The following LCORL variants were observed in gnomAD, a reference collection of about 807,000 sequenced individuals.
LCORL encodes ligand dependent nuclear receptor corepressor like.
A neutral mutation model predicts 141.8 loss-of-function variants in LCORL; 41 were observed. The observed-to-expected ratio is 0.29, with a 90% CI of 0.23 to 0.38. The LOEUF is 0.38. Among genes scored for constraint, LCORL ranks in the 10% least tolerant of loss-of-function variants. The pLI is 1.00. For synonymous variants in LCORL, 618 were observed against 694.1 expected (o/e 0.89, Z 1.72); for missense variants, 1,759 against 2,035.0 (o/e 0.86, Z 2.61).
intron 1 of LCORL, among the ~76,000 whole-genome samples, chr4:17,984,360 T>C (rs1718567131): frequency 6.6e-6 from 1 of 152,158 alleles, no homozygotes; most frequent in African/African-American, 2.4e-5. Flanking sequence ...CTCTTGTTTG[T>C]GTATCTGGTA....
intron 5 of LCORL, 81 bp from the exon 6 acceptor site, chr4:17,886,242 A>T: frequency 1.3e-6 from 1 of 772,644 alleles, no homozygotes; most frequent in Non-Finnish European, 2.2e-6. Context: ...TATTTTGTTG[A>T]TCTAATTCAT....
chr4:18,005,165 C>T (rs1008242492), intron 1 of LCORL, among the ~76,000 whole-genome samples: 35 of 152,220 alleles, frequency 2.3e-4, no homozygotes, highest in East Asian at 7.7e-4. Flanking sequence ...GCGATCCACC[C>T]GCCTCAGCAT....
At chr4:17,999,191 A>AGCCGGGTGCGGTGACTCAC (rs57487263) in intron 1 of LCORL, among the ~76,000 whole-genome samples, 1 of 150,436 alleles carries the variant, frequency 6.6e-6, no homozygotes, top group African/African-American at 2.4e-5. Flanking sequence ...AGGATGTCTA[A>AGCCGGGTGCGGTGACTCAC]GCCTGTAATC....
At position 17,851,323 on chromosome 4, in the gene LCORL, T is replaced by C. The variant is rs545495258; in HGVS notation, c.5603-5422A>G. On this transcript the variant is annotated intron_variant, in intron 7 of 7. Transcript: ENST00000635767. ...AAAAATGTCATATAATGGAAAGAAG[T>C]CTATCGGTGCTCCAAGCCCCTCTTC... Among the ~76,000 whole-genome samples the C allele has an allele frequency of 4.6e-5, 7 of 152,068 alleles. No homozygotes were observed. In the South Asian group the frequency reaches 1.5e-3, roughly 32 times the overall value.
At chr4:17,894,936 T>C (rs1176127158) in intron 5 of LCORL, among the ~76,000 whole-genome samples, 2 of 151,878 alleles carry the variant, frequency 1.3e-5, no homozygotes, top group Non-Finnish European at 2.9e-5. Flanking sequence ...AAGTGATCAG[T>C]GTGTTCTGAT....
intron 1 of LCORL, among the ~76,000 whole-genome samples, chr4:17,984,686 T>C (rs758915974): frequency 2.0e-5 from 3 of 152,096 alleles, no homozygotes; most frequent in Non-Finnish European, 2.9e-5. Context: ...TAGTGACGTA[T>C]TTTATTAATT....
intron 5 of LCORL, among the ~76,000 whole-genome samples, chr4:17,904,412 T>C (rs1731315597): frequency 6.6e-6 from 1 of 152,114 alleles, no homozygotes; most frequent in Non-Finnish European, 1.5e-5. Context: ...AAGTTTTAGA[T>C]TTGAGTATAG....
At chr4:17,997,504 G>A (rs1210162541) in intron 1 of LCORL, among the ~76,000 whole-genome samples, 2 of 152,104 alleles carry the variant, frequency 1.3e-5, no homozygotes, top group African/African-American at 4.8e-5. Context: ...CAATAAAGAA[G>A]CAGAACAGTT....
At chr4:17,911,325 AAAC>A (rs1196715384) in intron 4 of LCORL, among the ~76,000 whole-genome samples, 25 of 152,196 alleles carry the variant, frequency 1.6e-4, no homozygotes, top group African/African-American at 6.0e-4. Context: ...AGTTCATGGA[AAAC>A]GCATATTATA....
chr4:17,980,874 T>C (rs904942858), intron 1 of LCORL, among the ~76,000 whole-genome samples: 1 of 152,106 alleles, frequency 6.6e-6, no homozygotes, highest in African/African-American at 2.4e-5. Context: ...CTGGGTTGTA[T>C]ACTCCTTATG....
Position 17,884,496 on chromosome 4 carries a change from C to G in LCORL, c.776+1572G>C. 6.5e-7 allele frequency: 1 copy of G among 1,545,878 alleles called. No individual in the cohort carries two copies. On this transcript the variant is annotated intron_variant, in intron 6 of 7. Coordinates refer to ENST00000635767, the Ensembl canonical transcript of LCORL. The surrounding 1 kb of genome is among the most constrained non-coding windows in gnomAD (Gnocchi z 4.4). ...GCCCACAAGGCTACTTTTTGCAGCA[C>G]TGCACAAGTTTCTTTACTGTCCTTA... is the stretch of plus-strand genomic sequence containing the variant.
chr4:17,895,041 T>TA (rs200678764), intron 5 of LCORL, among the ~76,000 whole-genome samples: 4 of 149,602 alleles, frequency 2.7e-5, no homozygotes, highest in Middle Eastern at 3.3e-3. Flanking sequence ...ATAATATATA[T>TA]AAAAAAAGTT....
intron 1 of LCORL, among the ~76,000 whole-genome samples, chr4:17,984,771 C>G (rs567537825): frequency 7.2e-5 from 11 of 152,192 alleles, no homozygotes; most frequent in African/African-American, 2.6e-4. Flanking sequence ...CAGTTAAGCT[C>G]AGATTTTGGT....
chr4:17,934,026 A>C (rs1161522228), intron 4 of LCORL, among the ~76,000 whole-genome samples: 1 of 152,046 alleles, frequency 6.6e-6, no homozygotes, highest in African/African-American at 2.4e-5. Flanking sequence ...CTCTGGTCCT[A>C]TGATTTTAAG....
At chr4:17,883,617 CCCA>C (rs1341814408) in intron 6 of LCORL, 17 of 1,379,012 alleles carry the variant, frequency 1.2e-5, no homozygotes, top group East Asian at 5.1e-5. Context: ...ATTTGTAATT[CCCA>C]CGTGTGTATA....
At chr4:17,998,447 A>C (rs750626453) in intron 1 of LCORL, among the ~76,000 whole-genome samples, 6 of 152,034 alleles carry the variant, frequency 3.9e-5, no homozygotes, top group Non-Finnish European at 8.8e-5. Context: ...TTTTTTTTAA[A>C]ACTTTTTAAC....
intron 4 of LCORL, among the ~76,000 whole-genome samples, chr4:17,925,815 G>C (rs545520480): frequency 6.9e-6 from 1 of 145,670 alleles, no homozygotes; most frequent in African/African-American, 2.6e-5. Flanking sequence ...AGGTTGCAGT[G>C]AGCTGAGATT....
intron 1 of LCORL, among the ~76,000 whole-genome samples, chr4:18,015,796 T>C (rs1190334256): frequency 6.7e-6 from 1 of 149,780 alleles, no homozygotes; most frequent in African/African-American, 2.5e-5. Context: ...AACAAGTTGA[T>C]TAACAGGAAA....
chr4:17,912,236 G>T, intron 4 of LCORL: 2 of 733,658 alleles, frequency 2.7e-6, no homozygotes, highest in South Asian at 2.7e-5. Flanking sequence ...TCTGTGGAGA[G>T]CAACATTATG....
Sources: gnomAD v4.1 joint callset for allele counts (sites outside exome capture counted in the v4.1 genomes callset) on GRCh38, gnomAD v4.1.1 for gene constraint, Gnocchi (gnomAD v3.1) non-coding constraint, MANE v1.5 for transcripts, NCBI Gene and HGNC (gene_info 2026-07-23, HGNC 2026-07-21) for gene names.